The following ELP3 variants were observed in gnomAD, a reference collection of about 807,000 sequenced individuals.
The protein encoded by ELP3 is elongator complex protein 3.
Under a neutral mutation model 74.9 loss-of-function variants are expected in ELP3, and 56 were observed. That is an observed-to-expected ratio of 0.75 (90% CI 0.60 to 0.93). The LOEUF (loss-of-function observed/expected upper bound fraction) is 0.93, where lower values mean the gene tolerates loss of function less well. Ranked by LOEUF, ELP3 falls within the 40% of genes least tolerant of loss-of-function variation. The pLI, the probability that ELP3 is intolerant of heterozygous loss-of-function variation, is 0.00. For missense variants in ELP3, 573 were observed against 686.5 expected, an observed-to-expected ratio of 0.83 and a Z score of 1.85; for synonymous variants, 222 against 239.8, an observed-to-expected ratio of 0.93 and a Z score of 0.68.
At chr8:28,134,391 A>G (rs1289010547) in intron 9 of ELP3, among the ~76,000 whole-genome samples, 2 of 152,200 alleles carry the variant, frequency 1.3e-5, no homozygotes, top group Non-Finnish European at 2.9e-5. Flanking sequence ...GCTTGTTTGT[A>G]GTCTTTGCAG....
At chr8:28,107,779 G>C (rs1382278529) in intron 4 of ELP3, 134 bp from the exon 5 acceptor site, 1 of 651,966 alleles carries the variant, frequency 1.5e-6, no homozygotes, top group Non-Finnish European at 2.7e-6. Context: ...TACTGCAAAG[G>C]TAGATTCTTC....
intron 14 of ELP3, among the ~76,000 whole-genome samples, chr8:28,180,316 C>A (rs1325655695): frequency 6.6e-6 from 1 of 152,196 alleles, no homozygotes; most frequent in African/African-American, 2.4e-5. Context: ...CTCTTCCCCA[C>A]CAACGTTGCT....
Position 28,129,497 on chromosome 8 carries a change from T to C in ELP3, c.618-5T>C, listed in dbSNP as rs542578561. ...CAGGTTAATTATTTTAGATTTGCTC[T>C]ACAGGTATTCTGAGAGAAGCCTCAC... On this transcript the variant is annotated splice_polypyrimidine_tract_variant and splice_region_variant and intron_variant, in intron 7 of 14. Transcript: ENST00000256398. The C allele has an allele frequency of 1.2e-6, 2 of 1,614,152 alleles. No homozygotes were observed. The highest frequency in any genetic ancestry group is 2.2e-5 in the South Asian group (2 of 91,078).
intron 10 of ELP3, among the ~76,000 whole-genome samples, chr8:28,138,256 C>T (rs1194521324): frequency 6.6e-6 from 1 of 152,100 alleles, no homozygotes; most frequent in Non-Finnish European, 1.5e-5. Flanking sequence ...TGTGCAATCT[C>T]TGTTCTAGAG....
At chr8:28,115,426 A>T (rs557043311) in intron 7 of ELP3, among the ~76,000 whole-genome samples, 1 of 152,300 alleles carries the variant, frequency 6.6e-6, no homozygotes, top group East Asian at 1.9e-4. Context: ...ATCTGTATAT[A>T]AATGCATAGA....
chr8:28,144,114 G>A (rs973200129), intron 10 of ELP3, among the ~76,000 whole-genome samples: 1 of 152,030 alleles, frequency 6.6e-6, no homozygotes, highest in African/African-American at 2.4e-5. Flanking sequence ...CATGAAATTT[G>A]GATTATAAAT....
intron 4 of ELP3, 107 bp from the exon 5 acceptor site, chr8:28,107,806 G>C: frequency 1.3e-6 from 1 of 784,140 alleles, no homozygotes; most frequent in Non-Finnish European, 2.1e-6. Flanking sequence ...GATTTGAAAA[G>C]GAAGCTCATT....
rs1049744767 is a variant in ELP3, at chr8:28,189,825, G to A, written c.*100G>A. 1 of 1,304,976 alleles carries A rather than the reference G, an allele frequency of 7.7e-7. No homozygotes were observed. The highest frequency in any genetic ancestry group is 1.8e-5 in the Admixed American group (1 of 55,610). The allele number at this position is 1,304,976 out of a possible 1,614,324, so 80.8% of individuals were successfully genotyped here. On this transcript the variant is annotated 3_prime_UTR_variant, in exon 15 of 15. Coordinates refer to ENST00000256398, the MANE Select transcript of ELP3 (RefSeq NM_018091.6). ...ACAGAGAGGCTGAGCAGAGCAAATG[G>A]GGGGCTTCACCCTCATCCCGCAGCT...
At chr8:28,187,132 G>A (rs781022469) in intron 14 of ELP3, among the ~76,000 whole-genome samples, 1 of 152,000 alleles carries the variant, frequency 6.6e-6, no homozygotes, top group African/African-American at 2.4e-5. Flanking sequence ...CCCTGGAGTC[G>A]CCTTGGCTCC....
At chr8:28,131,021 C>T (rs7829704) in intron 8 of ELP3, among the ~76,000 whole-genome samples, 3,875 of 152,226 alleles carry the variant, frequency 0.025, 190 homozygotes, top group African/African-American at 0.089. Context: ...TTAGAAAGAT[C>T]GCTTACAGTG....
At chr8:28,133,679 T>A (rs1297999725) in intron 9 of ELP3, among the ~76,000 whole-genome samples, 1 of 152,210 alleles carries the variant, frequency 6.6e-6, no homozygotes, top group East Asian at 1.9e-4. Context: ...TTTAATTTGC[T>A]CTGTTTAGAA....
At chr8:28,187,579 G>A (rs937429347) in intron 14 of ELP3, among the ~76,000 whole-genome samples, 1 of 152,148 alleles carries the variant, frequency 6.6e-6, no homozygotes, top group Non-Finnish European at 1.5e-5. Flanking sequence ...CCCGTCTCAG[G>A]ACTTTCACAT....
rs548667602 is a variant in ELP3 at position 28,137,996 on chromosome 8, T to C, written c.1100+105T>C. ...ATTGAGGGTTTTGGATTTTTCTTAA[T>C]GGAAATAAGATAACTGGAATGCTAT... On this transcript the variant is annotated intron_variant, in intron 10 of 14. Transcript: ENST00000256398. 1.1e-4 allele frequency: 121 copies of C among 1,078,868 alleles called. No individual in the cohort carries two copies. The African/African-American group carries it at 1.8e-3, about 16-fold the overall frequency. 66.8% of individuals were successfully genotyped at this position (1,078,868 alleles called of 1,614,324 possible). A position where few individuals can be genotyped will look rare whatever the true frequency, so the allele number is the denominator to read the frequency against.
At chr8:28,128,430 C>T (rs1453465168) in intron 7 of ELP3, among the ~76,000 whole-genome samples, 1 of 151,944 alleles carries the variant, frequency 6.6e-6, no homozygotes, top group Non-Finnish European at 1.5e-5. Context: ...GAGCCAAGAT[C>T]GCGCCACTGT....
chr8:28,169,421 G>T (rs1055332278), intron 14 of ELP3, among the ~76,000 whole-genome samples: 16 of 152,300 alleles, frequency 1.1e-4, no homozygotes, highest in African/African-American at 3.6e-4. Context: ...CTCAGCTGGG[G>T]TGGCTTAAAT....
intron 1 of ELP3, chr8:28,093,519 G>C (rs1811130439): frequency 2.0e-6 from 1 of 508,348 alleles, no homozygotes; most frequent in Admixed American, 3.8e-5. Context: ...AGGAGTTAAC[G>C]TCGATTTAAC....
At chr8:28,177,117 T>C (rs1441803769) in intron 14 of ELP3, among the ~76,000 whole-genome samples, 1 of 152,232 alleles carries the variant, frequency 6.6e-6, no homozygotes, top group Non-Finnish European at 1.5e-5. Flanking sequence ...GGTAGGAGAC[T>C]CTCTTGAGGT....
rs147430268 is a variant in ELP3 at position 28,137,737 on chromosome 8, A to T, written c.946A>T (p.Lys316Ter). The change falls in exon 10 of 15, where the codon AAA (lysine) becomes TAA (stop). Residue 316 changes from lysine to a stop codon, truncating the protein, a stop_gained. Coordinates refer to ENST00000256398, the MANE Select transcript of ELP3 (RefSeq NM_018091.6). LOFTEE classifies it high-confidence loss of function. ...CCCTGCTTTTCGTCCCGATGGGCTG[A>T]AACTCTATCCTACCCTGGTGATTCG... ...ENPAFRPDGL[K>*]LYPTLVIRGT... is the part of the protein sequence containing the mutation. 1.5e-5 allele frequency: 24 copies of T among 1,613,362 alleles called. No homozygotes were observed. Among genetic ancestry groups the T allele is most frequent in the Non-Finnish European group, 1.7e-5 (20 of 1,179,876 alleles).
chr8:28,099,495 T>C (rs1164266468), intron 2 of ELP3, among the ~76,000 whole-genome samples: 1 of 152,176 alleles, frequency 6.6e-6, no homozygotes, highest in Non-Finnish European at 1.5e-5. Context: ...CAAACATCAG[T>C]AGTGCTGAGG....
Sources: allele counts gnomAD v4.1 joint callset (sites outside exome capture counted in the v4.1 genomes callset), GRCh38; gene constraint gnomAD v4.1.1; transcripts MANE v1.5; gene names NCBI Gene and HGNC (gene_info 2026-07-23, HGNC 2026-07-21).